The following STX7 variants were observed in gnomAD, a reference collection of about 807,000 sequenced individuals.
STX7 encodes the protein syntaxin 7, also known as syntaxin-7.
A neutral mutation model predicts 39.6 loss-of-function variants in STX7; 34 were observed. The ratio of observed to expected loss-of-function variants is 0.86; its 90% CI spans 0.65 to 1.14. STX7 has a LOEUF of 1.14. Among genes scored for constraint, STX7 ranks in the 50% most tolerant of loss-of-function variants. The pLI is 0.00. For missense variants in STX7, 284 were observed against 310.4 expected (o/e 0.92, Z 0.64); for synonymous variants, 119 against 99.1 (o/e 1.20, Z -1.19).
chr6:132,464,599 T>C (rs959171895), intron 8 of STX7, among the ~76,000 whole-genome samples: 3 of 152,228 alleles, frequency 2.0e-5, no homozygotes, highest in Admixed American at 6.5e-5. Context: ...TTAATCATTA[T>C]GTTAGTCATT....
At chr6:132,506,982 G>C (rs1037934923) in intron 1 of STX7, among the ~76,000 whole-genome samples, 1 of 152,154 alleles carries the variant, frequency 6.6e-6, no homozygotes, top group African/African-American at 2.4e-5. Flanking sequence ...CCTTAAAAAA[G>C]ACTGAAGTTA....
Position 132,470,042 on chromosome 6 carries a change from G to A in STX7, c.446C>T (p.Thr149Ile), listed in dbSNP as rs201529204. 1.3e-5 allele frequency: 21 copies of A among 1,576,682 alleles called. No individual in the cohort carries two copies. Among genetic ancestry groups the A allele is most frequent in the Admixed American group, 2.0e-5 (1 of 50,378 alleles). ...ERNLVSWESQ[T>I]QPQVQVQDEE... ...ATCCTGCACCTGCACTTGAGGTTGA[G>A]TTTGGCTAACAGAAAAAAATGAATG... The change falls in exon 7 of 10, where the codon ACT (threonine) becomes ATT (isoleucine). Residue 149 changes from threonine to isoleucine, a missense_variant. Coordinates refer to ENST00000367941, the MANE Select transcript of STX7 (RefSeq NM_003569.3).
At chr6:132,474,736 A>AAT (rs951131065) in intron 3 of STX7, among the ~76,000 whole-genome samples, 2 of 152,230 alleles carry the variant, frequency 1.3e-5, no homozygotes, top group African/African-American at 4.8e-5. Context: ...TAAATGATAA[A>AAT]ATATGTAAAA....
rs547724227 is a variant in STX7 at position 132,450,816 on chromosome 6, CAG to C, written c.*9940_*9941del. 7 of 151,868 alleles carry C rather than the reference CAG, an allele frequency of 4.6e-5. No individual in the cohort carries two copies. Among genetic ancestry groups the C allele is most frequent in the African/African-American group, 1.7e-4 (7 of 41,350 alleles). 9.4% of individuals were successfully genotyped at this position (151,868 alleles called of 1,614,324 possible). A position where few individuals can be genotyped will look rare whatever the true frequency, so the allele number is the denominator to read the frequency against. On this transcript the variant is annotated 3_prime_UTR_variant, in exon 10 of 10. Coordinates refer to ENST00000367941, the MANE Select transcript of STX7 (RefSeq NM_003569.3). The stretch of plus-strand genomic sequence containing the variant: ...ACAATAAATCTAACATTTGTGTCAT[CAG>C]AGTCTCAAAAGAAAGAAGAAAGAAG...
Position 132,503,514 on chromosome 6 carries a change from C to T in STX7, c.17G>A (p.Gly6Glu), listed in dbSNP as rs760092171. MSYTP[G>E]VGGDPAQLAQ... The stretch of plus-strand genomic sequence containing the variant: ...CAACTGGGCGGGGTCACCACCAACT[C>T]CTGGAGTGTAAGACATGGTTGATGT... The change falls in exon 2 of 10, where the codon GGA becomes GAA. Residue 6 changes from glycine (G) to glutamate (E), a missense_variant. Gly to Glu is a moderately conservative substitution (Grantham distance 98). Coordinates refer to ENST00000367941, the MANE Select transcript of STX7 (RefSeq NM_003569.3). 4 of 1,614,014 alleles carry T rather than the reference C, an allele frequency of 2.5e-6. No individual in the cohort carries two copies. In the South Asian group the frequency reaches 4.4e-5, roughly 18 times the overall value.
intron 8 of STX7, among the ~76,000 whole-genome samples, chr6:132,467,798 T>C (rs865974716): frequency 3.3e-5 from 5 of 152,202 alleles, no homozygotes; most frequent in Non-Finnish European, 5.9e-5. Context: ...GACTTCAAGA[T>C]GGTCAGGATC....
rs900689988 is a variant in STX7, at chr6:132,452,216, G to C, written c.*8542C>G. ...ATAATAAAAACTTGCAGAAAAAAAG[G>C]AATAAAAGATAACTTCCTTAACTTT... On this transcript the variant is annotated 3_prime_UTR_variant, in exon 10 of 10. Coordinates refer to ENST00000367941, the MANE Select transcript of STX7 (RefSeq NM_003569.3). The C allele has an allele frequency of 6.6e-6, 1 of 151,984 alleles. No homozygotes were observed. Among genetic ancestry groups the C allele is most frequent in the African/African-American group, 2.4e-5 (1 of 41,400 alleles). 9.4% of individuals were successfully genotyped at this position (151,984 alleles called of 1,614,324 possible).
intron 2 of STX7, among the ~76,000 whole-genome samples, chr6:132,490,925 G>C (rs1775264363): frequency 6.6e-6 from 1 of 151,284 alleles, no homozygotes; most frequent in Non-Finnish European, 1.5e-5. Context: ...CACCAGGCTA[G>C]GGGCTGAGAG....
chr6:132,471,735 GT>G, intron 4 of STX7, 135 bp from the exon 5 acceptor site: 2 of 972,548 alleles, frequency 2.1e-6, no homozygotes, highest in Non-Finnish European at 3.0e-6. Context: ...TTAACTCTCA[GT>G]AACATTCTGA....
At chr6:132,505,779 A>G (rs1170326932) in intron 1 of STX7, among the ~76,000 whole-genome samples, 1 of 149,198 alleles carries the variant, frequency 6.7e-6, no homozygotes, top group Non-Finnish European at 1.5e-5. Flanking sequence ...GGTTTTGAAT[A>G]GCCAAAGCAA....
chr6:132,492,651 G>A (rs1775322792), intron 2 of STX7, among the ~76,000 whole-genome samples: 1 of 152,054 alleles, frequency 6.6e-6, no homozygotes, highest in Non-Finnish European at 1.5e-5. Context: ...TACCAGCTTT[G>A]CCACTTAACA....
intron 9 of STX7, among the ~76,000 whole-genome samples, chr6:132,463,255 C>G (rs938059164): frequency 6.6e-6 from 1 of 151,914 alleles, no homozygotes; most frequent in African/African-American, 2.4e-5. Flanking sequence ...TGAATGATAG[C>G]AACAAAGGAA....
In STX7 at chr6:132,460,656, C is replaced by T; in HGVS notation, c.*102G>A. 2 of 938,814 alleles carry T rather than the reference C, an allele frequency of 2.1e-6. No homozygotes were observed. Among genetic ancestry groups the T allele is most frequent in the Admixed American group, 2.6e-5 (1 of 37,912 alleles). The allele number at this position is 938,814 out of a possible 1,614,324, so 58.2% of individuals were successfully genotyped here. A position where few individuals can be genotyped will look rare whatever the true frequency, so the allele number is the denominator to read the frequency against. ...AAAATAACAAAGTATGGGAACCATCCTTTATACAATAGCTTTAAAATAATA... is the reference window on the plus strand; with the variant it reads ...AAAATAACAAAGTATGGGAACCATCTTTTATACAATAGCTTTAAAATAATA... On this transcript the variant is annotated 3_prime_UTR_variant, in exon 10 of 10. Transcript: ENST00000367941.
chr6:132,510,550 T>A (rs185169631), intron 1 of STX7, among the ~76,000 whole-genome samples: 3 of 152,168 alleles, frequency 2.0e-5, no homozygotes, highest in Non-Finnish European at 4.4e-5. Flanking sequence ...TTTTAAAAAA[T>A]TAAAATTAAT....
At chr6:132,501,822 C>A (rs549109970) in intron 2 of STX7, among the ~76,000 whole-genome samples, 1 of 152,024 alleles carries the variant, frequency 6.6e-6, no homozygotes, top group African/African-American at 2.4e-5. Flanking sequence ...GCACAGGTAG[C>A]CAGATACACT....
intron 8 of STX7, among the ~76,000 whole-genome samples, chr6:132,465,251 A>T (rs894850883): frequency 6.6e-6 from 1 of 152,120 alleles, no homozygotes; most frequent in South Asian, 2.1e-4. Flanking sequence ...GTTGTTCCAT[A>T]ATCTCAATTT....
At chr6:132,509,004 A>G (rs1486421861) in intron 1 of STX7, among the ~76,000 whole-genome samples, 1 of 152,068 alleles carries the variant, frequency 6.6e-6, no homozygotes, top group African/African-American at 2.4e-5. Context: ...TGCTAATGTG[A>G]TTTTTTTACA....
chr6:132,503,349 C>A, intron 2 of STX7, 97 bp downstream of exon 2: 1 of 989,332 alleles, frequency 1.0e-6, no homozygotes, highest in South Asian at 1.4e-5. Flanking sequence ...GAATGCTCCT[C>A]CCTCTCTCAA....
At chr6:132,490,494 G>A (rs1017585704) in intron 2 of STX7, among the ~76,000 whole-genome samples, 2 of 152,126 alleles carry the variant, frequency 1.3e-5, no homozygotes, top group Non-Finnish European at 2.9e-5. Context: ...TGGGGGAGCA[G>A]GTAGAAAACC....
Sources: gnomAD v4.1 joint callset for allele counts (sites outside exome capture counted in the v4.1 genomes callset) on GRCh38, gnomAD v4.1.1 for gene constraint, MANE v1.5 for transcripts, NCBI Gene and HGNC (gene_info 2026-07-23, HGNC 2026-07-21) for gene names.